The following GPC5 variants were observed in gnomAD, a reference collection of about 807,000 sequenced individuals.
GPC5 encodes the protein glypican-5.
GPC5 carries 47 observed loss-of-function variants against 53.9 expected under a neutral mutation model. The observed-to-expected ratio is 0.87, with a 90% CI of 0.69 to 1.11. The LOEUF (loss-of-function observed/expected upper bound fraction) is 1.11, where lower values mean the gene tolerates loss of function less well. Among genes scored for constraint, GPC5 ranks in the 50% most tolerant of loss-of-function variants. GPC5 has a pLI of 0.00. For missense variants in GPC5, 748 were observed against 713.1 expected (o/e 1.05, Z -0.56); for synonymous variants, 286 against 263.3 (o/e 1.09, Z -0.84).
chr13:92,154,282 G>A (rs1269453467), intron 7 of GPC5, among the ~76,000 whole-genome samples: 3 of 152,036 alleles, frequency 2.0e-5, no homozygotes, highest in East Asian at 3.9e-4. Flanking sequence ...CTCCCACCAG[G>A]CCCCAGCTCC....
intron 7 of GPC5, among the ~76,000 whole-genome samples, chr13:92,497,858 T>C (rs191522558): frequency 3.9e-5 from 6 of 152,232 alleles, no homozygotes; most frequent in African/African-American, 1.2e-4. Flanking sequence ...GTAGTGATTG[T>C]GAATGGGAGT....
At chr13:91,602,517 C>A (rs1487850715) in intron 2 of GPC5, among the ~76,000 whole-genome samples, 2 of 152,122 alleles carry the variant, frequency 1.3e-5, no homozygotes, top group Non-Finnish European at 2.9e-5. Context: ...TTGTCTTTAA[C>A]CACTGCACCA....
intron 7 of GPC5, among the ~76,000 whole-genome samples, chr13:92,168,643 C>T (rs553333167): frequency 1.3e-5 from 2 of 152,220 alleles, no homozygotes; most frequent in East Asian, 1.9e-4. Flanking sequence ...TACCATCTCA[C>T]ACCAGTCAGA....
chr13:92,634,857 C>T (rs1014105814), intron 7 of GPC5, among the ~76,000 whole-genome samples: 1 of 151,852 alleles, frequency 6.6e-6, no homozygotes, highest in Admixed American at 6.6e-5. Context: ...TGTAGCATTC[C>T]TTTAATATTT....
chr13:92,581,710 A>C (rs1362677749), intron 7 of GPC5, among the ~76,000 whole-genome samples: 1 of 152,148 alleles, frequency 6.6e-6, no homozygotes, highest in Non-Finnish European at 1.5e-5. Context: ...CTTTCTTCAC[A>C]TCCTCACCAA....
chr13:91,693,321 G>A lies in GPC5; in HGVS notation c.460G>A (p.Gly154Ser), dbSNP rs758061320. Reference protein sequence around the residue: ...FFTDVGLYLFGADVNPEEFVN... With the variant: ...FFTDVGLYLFSADVNPEEFVN... ...CACTGATGTGGGGCTGTATTTATTT[G>A]GTGCGGATGTTAATCCTGAAGAATT... Residue 154 changes from glycine to serine, a missense_variant, in exon 3 of 8, where the codon GGT becomes AGT. Physicochemically the swap from Gly to Ser is moderately conservative, Grantham distance 56. Transcript: ENST00000377067. 1.2e-6 allele frequency: 2 copies of A among 1,614,080 alleles called. No homozygotes were observed. Among genetic ancestry groups the A allele is most frequent in the South Asian group, 2.2e-5 (2 of 91,076 alleles).
intron 7 of GPC5, among the ~76,000 whole-genome samples, chr13:92,819,895 G>GA (rs972112478): frequency 7.2e-5 from 11 of 151,868 alleles, no homozygotes; most frequent in Non-Finnish European, 1.3e-4. Flanking sequence ...TTCTTGTTAG[G>GA]AAAAAAAATA....
chr13:92,099,468 T>A (rs2041448362), intron 6 of GPC5, among the ~76,000 whole-genome samples: 1 of 152,196 alleles, frequency 6.6e-6, no homozygotes, highest in South Asian at 2.1e-4. Flanking sequence ...TTACACTTTT[T>A]AAATACTTTT....
At chr13:92,492,699 G>C (rs1055608683) in intron 7 of GPC5, among the ~76,000 whole-genome samples, 1 of 152,110 alleles carries the variant, frequency 6.6e-6, no homozygotes, top group African/African-American at 2.4e-5. Flanking sequence ...CTAGGGTAAT[G>C]TTCTTCTTCC....
In GPC5 at chr13:92,838,570, A is replaced by T. The variant is rs571884445; in HGVS notation, c.1562-27712A>T. 8.5e-5 allele frequency among the ~76,000 whole-genome samples: 13 copies of T among 152,228 alleles called. No individual in the cohort carries two copies. In the South Asian group the frequency reaches 1.9e-3, roughly 22 times the overall value. On this transcript the variant is annotated intron_variant, in intron 7 of 7. Transcript: ENST00000377067. ...CGTGCCTCTATAATTGTTATACACA[A>T]TTCAAGCAAAACTTACGAAATACAT...
intron 7 of GPC5, among the ~76,000 whole-genome samples, chr13:92,256,473 G>C (rs2139135261): frequency 6.6e-6 from 1 of 152,118 alleles, no homozygotes; most frequent in Admixed American, 6.6e-5. Flanking sequence ...TCCAGAGTTA[G>C]CAATATTTGG....
At chr13:91,758,863 C>T (rs1218373663) in intron 5 of GPC5, among the ~76,000 whole-genome samples, 1 of 152,102 alleles carries the variant, frequency 6.6e-6, no homozygotes, top group Non-Finnish European at 1.5e-5. Context: ...TTCTTCCAAC[C>T]TCATCACCTT....
At chr13:91,578,104 T>C (rs1341071156) in intron 2 of GPC5, among the ~76,000 whole-genome samples, 2 of 152,206 alleles carry the variant, frequency 1.3e-5, no homozygotes, top group African/African-American at 4.8e-5. Flanking sequence ...GAAGGGTTCA[T>C]GTATCCAGGG....
chr13:92,371,706 G>A (rs569220246), intron 7 of GPC5, among the ~76,000 whole-genome samples: 197 of 152,276 alleles, frequency 1.3e-3, no homozygotes, highest in Non-Finnish European at 2.4e-3. Flanking sequence ...CAGATCTGGT[G>A]AGAACTCACT....
At chr13:92,030,417 T>G (rs1482445551) in intron 6 of GPC5, among the ~76,000 whole-genome samples, 1 of 152,156 alleles carries the variant, frequency 6.6e-6, no homozygotes, top group Non-Finnish European at 1.5e-5. Context: ...GGCCCTATAA[T>G]TATTTTAGAT....
At chr13:92,273,961 C>T (rs900756187) in intron 7 of GPC5, among the ~76,000 whole-genome samples, 2 of 152,126 alleles carry the variant, frequency 1.3e-5, no homozygotes, top group South Asian at 4.1e-4. Flanking sequence ...CTCCTGGAAT[C>T]GCCTAACTAT....
At chr13:92,290,080 T>C (rs1347114819) in intron 7 of GPC5, among the ~76,000 whole-genome samples, 1 of 152,216 alleles carries the variant, frequency 6.6e-6, no homozygotes, top group Non-Finnish European at 1.5e-5. Flanking sequence ...CAACTGGCAA[T>C]TATGGGATTT....
At chr13:92,748,310 T>G (rs1401300711) in intron 7 of GPC5, among the ~76,000 whole-genome samples, 1 of 125,306 alleles carries the variant, frequency 8.0e-6, no homozygotes, top group Non-Finnish European at 1.7e-5. Context: ...CTGCATTTTA[T>G]TTTATTATTA....
rs563673448 is a variant in GPC5 at position 91,732,278 on chromosome 13, T to C, written c.1154+3613T>C. 6.6e-5 allele frequency among the ~76,000 whole-genome samples: 10 copies of C among 152,364 alleles called. No homozygotes were observed. The East Asian group carries it at 1.3e-3, about 21-fold the overall frequency. On this transcript the variant is annotated intron_variant, in intron 4 of 7. Transcript: ENST00000377067. ...GTGATTTTGAGCTGTATTTCTCTAA[T>C]GATCAGTGATGTTGAGGTTTTTTTC... is the stretch of plus-strand genomic sequence containing the variant.
Sources: gnomAD v4.1 joint callset for allele counts (sites outside exome capture counted in the v4.1 genomes callset) on GRCh38, gnomAD v4.1.1 for gene constraint, MANE v1.5 for transcripts, NCBI Gene and HGNC (gene_info 2026-07-23, HGNC 2026-07-21) for gene names.